RBFOX3: variants seen among roughly 807,000 people sequenced by gnomAD.
RBFOX3 encodes the protein RNA binding fox-1 homolog 3.
RBFOX3 carries 17 observed loss-of-function variants against 48.7 expected under a neutral mutation model. The observed-to-expected ratio is 0.35, with a 90% CI of 0.24 to 0.52. The LOEUF (loss-of-function observed/expected upper bound fraction) is 0.52. Ranked by LOEUF, RBFOX3 falls within the 20% of genes least tolerant of loss-of-function variation. The probability of loss-of-function intolerance (pLI) is 0.94; values close to 1 mark genes in which losing one functional copy is unlikely to be tolerated. For synonymous variants in RBFOX3, 212 were observed against 209.5 expected, an observed-to-expected ratio of 1.01 and a Z score of -0.10; for missense variants, 382 against 497.5, an observed-to-expected ratio of 0.77 and a Z score of 2.21.
intron 1 of RBFOX3, among the ~76,000 whole-genome samples, chr17:79,501,860 A>G (rs2149739153): frequency 6.6e-6 from 1 of 152,334 alleles, no homozygotes; most frequent in African/African-American, 2.4e-5. Flanking sequence ...AGAAGAGGGA[A>G]AACGGGGGAG....
At chr17:79,121,719 A>C (rs997393422) in intron 4 of RBFOX3, among the ~76,000 whole-genome samples, 1 of 152,088 alleles carries the variant, frequency 6.6e-6, no homozygotes, top group Non-Finnish European at 1.5e-5. Context: ...TGGAAGCTTC[A>C]TCTGCATTGC....
intron 3 of RBFOX3, among the ~76,000 whole-genome samples, chr17:79,241,614 T>TGTCTGAAGCAGG (rs2062393136): frequency 6.6e-6 from 1 of 152,144 alleles, no homozygotes; most frequent in Non-Finnish European, 1.5e-5. Flanking sequence ...GAAGCTTGAC[T>TGTCTGAAGCAGG]GTCTGAAGCA....
intron 2 of RBFOX3, among the ~76,000 whole-genome samples, chr17:79,338,093 C>T (rs2081477055): frequency 6.6e-6 from 1 of 152,092 alleles, no homozygotes; most frequent in Non-Finnish European, 1.5e-5. Context: ...CACCTGCCAC[C>T]ATGCCCGGAT....
intron 4 of RBFOX3, among the ~76,000 whole-genome samples, chr17:79,170,725 C>G (rs1484252683): frequency 6.6e-6 from 1 of 152,164 alleles, no homozygotes; most frequent in South Asian, 2.1e-4. Flanking sequence ...CTTTTCTATC[C>G]CAGATGAACT....
At chr17:79,409,436 G>A (rs2063976243) in intron 2 of RBFOX3, among the ~76,000 whole-genome samples, 1 of 152,208 alleles carries the variant, frequency 6.6e-6, no homozygotes. Flanking sequence ...CTGTTTTCCA[G>A]TGGCTGAACT....
intron 2 of RBFOX3, among the ~76,000 whole-genome samples, chr17:79,388,535 G>A (rs1350580895): frequency 1.3e-5 from 2 of 152,200 alleles, no homozygotes; most frequent in South Asian, 4.1e-4. Context: ...TAAAAGAGAA[G>A]ATTTTTAATA....
At chr17:79,257,572 T>C (rs1459667831) in intron 3 of RBFOX3, among the ~76,000 whole-genome samples, 1 of 152,096 alleles carries the variant, frequency 6.6e-6, no homozygotes, top group South Asian at 2.1e-4. Context: ...TCCTTCTCAC[T>C]GTTCTTTGCT....
chr17:79,373,529 G>A (rs888318518), intron 2 of RBFOX3, among the ~76,000 whole-genome samples: 65 of 152,224 alleles, frequency 4.3e-4, no homozygotes, highest in Admixed American at 9.2e-4. Context: ...GGGGCCAGAC[G>A]GGTGCTTACC....
chr17:79,648,093 T>TG, the RBFOX3 span, among the ~76,000 whole-genome samples: 1 of 152,120 alleles, frequency 6.6e-6, no homozygotes, highest in Non-Finnish European at 1.5e-5. Context: ...AGAGCTGGTC[T>TG]GGGGGTGCAG....
chr17:79,168,493 G>A (rs780659776), intron 4 of RBFOX3, among the ~76,000 whole-genome samples: 2 of 152,236 alleles, frequency 1.3e-5, no homozygotes, highest in Non-Finnish European at 1.5e-5. Flanking sequence ...TGCCCAAGGG[G>A]GTTGGCCCCA....
chr17:79,646,641 G>T, the RBFOX3 span, among the ~76,000 whole-genome samples: 2 of 152,274 alleles, frequency 1.3e-5, no homozygotes, highest in Admixed American at 1.3e-4. Context: ...CCCTGCCCTT[G>T]ACATGTGGGG....
intron 2 of RBFOX3, among the ~76,000 whole-genome samples, chr17:79,410,181 T>C (rs12449756): frequency 0.43 from 65,074 of 152,110 alleles, 14,277 homozygotes; most frequent in African/African-American, 0.51. Flanking sequence ...GCACACAGTG[T>C]CCTGGCCGCC....
chr17:79,630,634 C>T, the RBFOX3 span, among the ~76,000 whole-genome samples: 1 of 152,098 alleles, frequency 6.6e-6, no homozygotes, highest in Non-Finnish European at 1.5e-5. Flanking sequence ...AGGCCCAGCC[C>T]GTGTTAATTA....
intron 4 of RBFOX3, among the ~76,000 whole-genome samples, chr17:79,166,777 C>G (rs770419039): frequency 6.6e-6 from 1 of 152,104 alleles, no homozygotes; most frequent in Non-Finnish European, 1.5e-5. Context: ...GTGGGAGAAT[C>G]GAAACAAAGG....
chr17:79,097,809 GC>G (rs1419630960), intron 9 of RBFOX3, 64 bp from the exon 10 acceptor site: 13 of 1,500,054 alleles, frequency 8.7e-6, no homozygotes, highest in Non-Finnish European at 1.0e-5. Context: ...CAAAACGTAT[GC>G]CTGGGAACCC....
chr17:79,541,955 C>T (rs1313710768), intron 1 of RBFOX3, among the ~76,000 whole-genome samples: 4 of 152,112 alleles, frequency 2.6e-5, no homozygotes, highest in African/African-American at 9.7e-5. Context: ...CACGCACTGG[C>T]TGCCGGGGCC....
At chr17:79,576,288 G>C (rs2092853024) in intron 1 of RBFOX3, among the ~76,000 whole-genome samples, 1 of 152,252 alleles carries the variant, frequency 6.6e-6, no homozygotes, top group African/African-American at 2.4e-5. Context: ...GATAGATGGA[G>C]ATATGGGGAT....
intron 2 of RBFOX3, among the ~76,000 whole-genome samples, chr17:79,432,723 GAA>G (rs879953283): frequency 1.4e-5 from 2 of 142,640 alleles, no homozygotes; most frequent in Admixed American, 1.4e-4. Flanking sequence ...AGACAAAGGG[GAA>G]AAAAAAAAAA....
chr17:79,268,738 C>A (rs1334244436), intron 3 of RBFOX3, among the ~76,000 whole-genome samples: 1 of 152,126 alleles, frequency 6.6e-6, no homozygotes. Flanking sequence ...CTTCACTCCG[C>A]TCCCCATCTG....
Sources: gnomAD v4.1 joint callset for allele counts (sites outside exome capture counted in the v4.1 genomes callset) on GRCh38, gnomAD v4.1.1 for gene constraint, MANE v1.5 for transcripts, NCBI Gene and HGNC (gene_info 2026-07-23, HGNC 2026-07-21) for gene names.